SEMA3A: variants seen among roughly 807,000 people sequenced by gnomAD.
SEMA3A encodes the protein semaphorin 3A.
In SEMA3A, 29 loss-of-function variants were observed where a neutral mutation model predicts 97.9. That is an observed-to-expected ratio of 0.30 (90% CI 0.22 to 0.40). SEMA3A has a LOEUF of 0.40. SEMA3A is among the 10% of genes least tolerant of loss of function. The probability of loss-of-function intolerance (pLI) is 1.00; values close to 1 mark genes in which losing one functional copy is unlikely to be tolerated. For synonymous variants in SEMA3A, 321 were observed against 323.7 expected (o/e 0.99, Z 0.09); for missense variants, 763 against 951.3 (o/e 0.80, Z 2.60).
intron 2 of SEMA3A, among the ~76,000 whole-genome samples, chr7:84,344,887 C>A (rs1372498127): frequency 1.3e-5 from 2 of 152,008 alleles, no homozygotes; most frequent in African/African-American, 4.8e-5. Context: ...GTTAGGGAAA[C>A]AATAAGGCAA....
chr7:84,186,533 A>T (rs1358613828), intron 1 of SEMA3A, among the ~76,000 whole-genome samples: 3 of 152,298 alleles, frequency 2.0e-5, no homozygotes, highest in East Asian at 1.9e-4. Context: ...TATTATGAAG[A>T]TTCATAAGCA....
At chr7:84,018,432 A>T (rs1195307815) in intron 6 of SEMA3A, among the ~76,000 whole-genome samples, 2 of 152,228 alleles carry the variant, frequency 1.3e-5, no homozygotes, top group Non-Finnish European at 2.9e-5. Flanking sequence ...GGGCATATTA[A>T]GGTAAAATTT....
chr7:84,361,251 A>G (rs1450519207), intron 2 of SEMA3A, among the ~76,000 whole-genome samples: 1 of 152,080 alleles, frequency 6.6e-6, no homozygotes, highest in African/African-American at 2.4e-5. Flanking sequence ...GTTCTCATGA[A>G]GTGCTGAGAA....
At chr7:84,120,288 T>C (rs970423254) in intron 3 of SEMA3A, among the ~76,000 whole-genome samples, 3 of 152,172 alleles carry the variant, frequency 2.0e-5, no homozygotes, top group Non-Finnish European at 4.4e-5. Flanking sequence ...TGAAATAAAC[T>C]TAATGACAAA....
chr7:84,016,597 T>G (rs907003621), intron 6 of SEMA3A, among the ~76,000 whole-genome samples: 3 of 152,018 alleles, frequency 2.0e-5, no homozygotes, highest in Admixed American at 2.0e-4. Context: ...TTTAGTCACT[T>G]GTAGCTTCTG....
intron 1 of SEMA3A, among the ~76,000 whole-genome samples, chr7:84,407,894 C>T (rs531284283): frequency 2.6e-5 from 4 of 152,212 alleles, no homozygotes; most frequent in Non-Finnish European, 5.9e-5. Flanking sequence ...AAAATTAATT[C>T]GAGATGGATT....
intron 2 of SEMA3A, among the ~76,000 whole-genome samples, chr7:84,314,103 A>G (rs1584231468): frequency 6.6e-6 from 1 of 151,960 alleles, no homozygotes; most frequent in African/African-American, 2.4e-5. Flanking sequence ...AATACTCAAC[A>G]TTTTTACCCT....
intron 3 of SEMA3A, among the ~76,000 whole-genome samples, chr7:84,281,289 T>TC (rs966952320): frequency 5.3e-4 from 81 of 152,260 alleles, no homozygotes; most frequent in African/African-American, 1.9e-3. Context: ...ATAGAGATCA[T>TC]CCATAGAGGA....
chr7:84,001,209 T>C (rs1434597202), intron 12 of SEMA3A, among the ~76,000 whole-genome samples: 1 of 152,158 alleles, frequency 6.6e-6, no homozygotes, highest in Non-Finnish European at 1.5e-5. Flanking sequence ...TAATTTAAAC[T>C]ATTTCTATTA....
intron 6 of SEMA3A, among the ~76,000 whole-genome samples, chr7:84,044,706 G>A (rs962875246): frequency 6.6e-6 from 1 of 152,008 alleles, no homozygotes. Flanking sequence ...GTGAAACATT[G>A]AGGAAACAAG....
Position 84,143,994 on chromosome 7 carries a change from C to CACACACAA in SEMA3A, c.113-9044_113-9043insTTGTGTGT, listed in dbSNP as rs1348242265. 4.1e-3 allele frequency among the ~76,000 whole-genome samples: 561 copies of CACACACAA among 137,568 alleles called. 4 individuals carry two copies. Among genetic ancestry groups the CACACACAA allele is most frequent in the African/African-American group, 0.015 (523 of 35,200 alleles). 90.2% of individuals were successfully genotyped at this position (137,568 alleles called of 152,430 possible). On this transcript the variant is annotated intron_variant, in intron 1 of 16. Coordinates refer to ENST00000265362, the MANE Select transcript of SEMA3A (RefSeq NM_006080.3). ...ACACACACACACACACACACACACA[C>CACACACAA]AATTTATTGTGTATGCATTATCCTT...
chr7:84,491,354 AACTCAAATG>A (rs1480980371), intron 1 of SEMA3A, among the ~76,000 whole-genome samples: 14 of 152,176 alleles, frequency 9.2e-5, no homozygotes, highest in Non-Finnish European at 1.5e-4. Flanking sequence ...TAAAAAGATC[AACTCAAATG>A]ACTATTACTA....
rs574229736 is a variant in SEMA3A, at chr7:84,184,598, G to A, written c.112+9877C>T. On this transcript the variant is annotated intron_variant, in intron 1 of 16. Coordinates refer to ENST00000265362, the MANE Select transcript of SEMA3A (RefSeq NM_006080.3). ...GAAGTACTACCAGGTAAAAAGGTGG[G>A]GGTATGGGTAAGGGGAGAAATCCTT... Among the ~76,000 whole-genome samples, 3 of 151,810 alleles carry A rather than the reference G, an allele frequency of 2.0e-5. No individual in the cohort carries two copies. The South Asian group carries it at 6.2e-4, about 32-fold the overall frequency.
At chr7:84,221,628 G>A (rs1159299964) in intron 3 of SEMA3A, among the ~76,000 whole-genome samples, 2 of 151,998 alleles carry the variant, frequency 1.3e-5, no homozygotes, top group African/African-American at 4.8e-5. Context: ...CTAAAACAAA[G>A]TATTAGGAAG....
chr7:84,001,942 A>T lies in SEMA3A; in HGVS notation c.1452+13T>A. The T allele has an allele frequency of 1.9e-6, 3 of 1,582,846 alleles. No homozygotes were observed. Among genetic ancestry groups the T allele is most frequent in the Non-Finnish European group, 2.6e-6 (3 of 1,153,014 alleles). ...ACTGAACTTGTTGACACTTGAAATTAAGCAGCACTCACCCGAAAAACTGTC... is the reference window on the plus strand; with the variant it reads ...ACTGAACTTGTTGACACTTGAAATTTAGCAGCACTCACCCGAAAAACTGTC... On this transcript the variant is annotated intron_variant, in intron 12 of 16. Coordinates refer to ENST00000265362, the MANE Select transcript of SEMA3A (RefSeq NM_006080.3).
intron 2 of SEMA3A, among the ~76,000 whole-genome samples, chr7:84,323,573 G>A (rs1471703522): frequency 6.6e-6 from 1 of 151,802 alleles, no homozygotes; most frequent in Non-Finnish European, 1.5e-5. Context: ...ATTTTGAGTG[G>A]AAACATAGGG....
chr7:83,988,295 C>T (rs374818957), intron 12 of SEMA3A, among the ~76,000 whole-genome samples: 104 of 152,102 alleles, frequency 6.8e-4, no homozygotes, highest in African/African-American at 2.3e-3. Context: ...GGCGTGATCT[C>T]GGCTCGCTGC....
chr7:84,053,867 T>C (rs1395909394), intron 5 of SEMA3A, among the ~76,000 whole-genome samples: 2 of 117,944 alleles, frequency 1.7e-5, no homozygotes, highest in East Asian at 3.1e-4. Context: ...TTCCTTTCCA[T>C]GTTTAGCGCT....
chr7:84,332,813 C>A (rs1468080080), intron 2 of SEMA3A, among the ~76,000 whole-genome samples: 1 of 151,822 alleles, frequency 6.6e-6, no homozygotes, highest in Non-Finnish European at 1.5e-5. Flanking sequence ...ACATTGAGTA[C>A]CTTTATTAAG....
Sources: allele counts gnomAD v4.1 joint callset (sites outside exome capture counted in the v4.1 genomes callset), GRCh38; gene constraint gnomAD v4.1.1; transcripts MANE v1.5; gene names NCBI Gene and HGNC (gene_info 2026-07-23, HGNC 2026-07-21).